The following PARD3 variants were observed in gnomAD, a reference collection of about 807,000 sequenced individuals.
The protein encoded by PARD3 is partitioning defective 3 homolog.
Under a neutral mutation model 155.4 loss-of-function variants are expected in PARD3, and 75 were observed. The ratio of observed to expected loss-of-function variants is 0.48; its 90% confidence interval spans 0.40 to 0.58. The LOEUF (loss-of-function observed/expected upper bound fraction) is 0.58, where lower values mean the gene tolerates loss of function less well. PARD3 is among the 20% of genes least tolerant of loss of function. PARD3 has a pLI of 0.00. For missense variants in PARD3, 1,642 were observed against 1,721.7 expected (o/e 0.95, Z 0.82); for synonymous variants, 576 against 610.5 (o/e 0.94, Z 0.83).
intron 1 of PARD3, among the ~76,000 whole-genome samples, chr10:34,710,408 G>C (rs904284199): frequency 4.0e-5 from 6 of 150,946 alleles, no homozygotes; most frequent in Admixed American, 3.3e-4. Context: ...TAAATAACTA[G>C]TGAATACATT....
chr10:34,418,927 TAACAGG>T (rs57564339), intron 5 of PARD3, among the ~76,000 whole-genome samples: 18,459 of 151,792 alleles, frequency 0.12, 3,464 homozygotes, highest in African/African-American at 0.41. Flanking sequence ...CATGTCACCA[TAACAGG>T]CTAATTTTTG....
At chr10:34,148,866 T>C (rs1286060718) in intron 22 of PARD3, among the ~76,000 whole-genome samples, 1 of 151,744 alleles carries the variant, frequency 6.6e-6, no homozygotes, top group Non-Finnish European at 1.5e-5. Flanking sequence ...AGAATCAAGT[T>C]TTTTTTTGTT....
intron 20 of PARD3, among the ~76,000 whole-genome samples, chr10:34,304,871 T>C (rs995569054): frequency 5.3e-5 from 8 of 152,216 alleles, no homozygotes; most frequent in African/African-American, 1.9e-4. Context: ...GAGAAATAGC[T>C]TATTGTTTGC....
intron 6 of PARD3, among the ~76,000 whole-genome samples, chr10:34,400,725 T>C (rs1843791383): frequency 6.6e-6 from 1 of 151,998 alleles, no homozygotes; most frequent in African/African-American, 2.4e-5. Flanking sequence ...ATCAAGCAAA[T>C]CAAAATTGAA....
At chr10:34,456,984 T>C (rs1320692683) in intron 4 of PARD3, among the ~76,000 whole-genome samples, 1 of 152,192 alleles carries the variant, frequency 6.6e-6, no homozygotes, top group Non-Finnish European at 1.5e-5. Flanking sequence ...TAGAAAGAAT[T>C]TGAAAATTAC....
intron 24 of PARD3, 61 bp from the exon 25 acceptor site, chr10:34,111,623 G>A (rs917169045): frequency 3.6e-6 from 5 of 1,396,898 alleles, no homozygotes. Context: ...AGGGAGGAAA[G>A]GGGGCAGGAT....
intron 22 of PARD3, among the ~76,000 whole-genome samples, chr10:34,211,744 C>CACTCCAGCCTGGGTGACAGAGCAAG (rs1163513116): frequency 3.3e-5 from 5 of 151,820 alleles, no homozygotes; most frequent in African/African-American, 9.7e-5. Flanking sequence ...CGAGCCACTG[C>CACTCCAGCCTGGGTGACAGAGCAAG]ACTCCAGCCT....
In PARD3 at chr10:34,516,776, T is replaced by C. The variant is rs544840832; in HGVS notation, c.403+203A>G. Among the ~76,000 whole-genome samples, 12 of 152,346 alleles carry C rather than the reference T, an allele frequency of 7.9e-5. No individual in the cohort carries two copies. The South Asian group carries it at 2.5e-3, about 32-fold the overall frequency. On this transcript the variant is annotated intron_variant, in intron 3 of 24. Coordinates refer to ENST00000374788, the MANE Select transcript of PARD3 (RefSeq NM_001184785.2). ...AGTTAGCGAGTCACGGAAAGTCTAC[T>C]AGTCGAAAGTAAAGAAAGCCTAATC...
chr10:34,342,166 T>A (rs1474661342), intron 15 of PARD3, among the ~76,000 whole-genome samples: 1 of 152,202 alleles, frequency 6.6e-6, no homozygotes, highest in East Asian at 1.9e-4. Context: ...TACCAGGAAA[T>A]TTACAAAGAA....
At chr10:34,690,332 T>C (rs567876478) in intron 2 of PARD3, among the ~76,000 whole-genome samples, 8 of 152,226 alleles carry the variant, frequency 5.3e-5, no homozygotes, top group Non-Finnish European at 7.3e-5. Context: ...GGCCATATGC[T>C]AGACCAAAAA....
chr10:34,188,053 G>A (rs1337685919), intron 22 of PARD3, among the ~76,000 whole-genome samples: 1 of 152,162 alleles, frequency 6.6e-6, no homozygotes, highest in Admixed American at 6.5e-5. Context: ...CAATTGAAAT[G>A]TTCAGCATAA....
At chr10:34,232,797 C>T (rs1953001177) in intron 22 of PARD3, among the ~76,000 whole-genome samples, 1 of 152,018 alleles carries the variant, frequency 6.6e-6, no homozygotes, top group South Asian at 2.1e-4. Flanking sequence ...AACTGCTAGG[C>T]TCATGCAATT....
chr10:34,508,710 T>G (rs2081229883), intron 3 of PARD3, among the ~76,000 whole-genome samples: 1 of 152,240 alleles, frequency 6.6e-6, no homozygotes, highest in Non-Finnish European at 1.5e-5. Flanking sequence ...GGTTCCAATT[T>G]GACTCTGTAA....
At chr10:34,440,906 T>G (rs1472222760) in intron 5 of PARD3, among the ~76,000 whole-genome samples, 1 of 151,732 alleles carries the variant, frequency 6.6e-6, no homozygotes, top group South Asian at 2.1e-4. Flanking sequence ...TTACATTTAA[T>G]CTTATTAAAA....
intron 3 of PARD3, among the ~76,000 whole-genome samples, chr10:34,494,751 G>A (rs866512709): frequency 2.6e-5 from 4 of 152,122 alleles, no homozygotes; most frequent in Non-Finnish European, 4.4e-5. Flanking sequence ...GTTAAGTCCT[G>A]ATATTTTTTT....
At chr10:34,292,324 T>C (rs1366564267) in intron 20 of PARD3, among the ~76,000 whole-genome samples, 2 of 152,162 alleles carry the variant, frequency 1.3e-5, no homozygotes, top group Admixed American at 6.5e-5. Flanking sequence ...CTGTACAGGA[T>C]CTTACATATT....
intron 2 of PARD3, among the ~76,000 whole-genome samples, chr10:34,674,087 T>A (rs2093657207): frequency 1.3e-5 from 2 of 152,056 alleles, no homozygotes; most frequent in Admixed American, 1.3e-4. Context: ...AGAACATAGG[T>A]ATGTTTTAAT....
chr10:34,253,987 C>T (rs1954486131), intron 22 of PARD3, among the ~76,000 whole-genome samples: 1 of 152,090 alleles, frequency 6.6e-6, no homozygotes, highest in Non-Finnish European at 1.5e-5. Flanking sequence ...ACAGCACGCA[C>T]ATTGCTCCAG....
At chr10:34,160,348 CAATT>C (rs1369105595) in intron 22 of PARD3, among the ~76,000 whole-genome samples, 8 of 152,176 alleles carry the variant, frequency 5.3e-5, no homozygotes, top group Admixed American at 3.3e-4. Context: ...AATAAGGCTT[CAATT>C]AACAAAGCAG....
Sources: gnomAD v4.1 joint callset for allele counts (sites outside exome capture counted in the v4.1 genomes callset) on GRCh38, gnomAD v4.1.1 for gene constraint, MANE v1.5 for transcripts, NCBI Gene and HGNC (gene_info 2026-07-23, HGNC 2026-07-21) for gene names.